YLPM1: variants seen among roughly 807,000 people sequenced by gnomAD.
YLPM1 encodes the protein YLP motif containing 1.
YLPM1 carries 99 observed loss-of-function variants against 230.0 expected under a neutral mutation model. That is an observed-to-expected ratio of 0.43 (90% CI 0.37 to 0.51). YLPM1 has a LOEUF of 0.51. Ranked by LOEUF, YLPM1 falls within the 20% of genes least tolerant of loss-of-function variation. The pLI is 0.00. For missense variants in YLPM1, 2,592 were observed against 2,707.7 expected (o/e 0.96, Z 0.95); for synonymous variants, 984 against 942.5 (o/e 1.04, Z -0.81).
intron 6 of YLPM1, 61 bp downstream of exon 6, chr14:74,802,737 T>C (rs1594829737): frequency 6.8e-7 from 1 of 1,463,238 alleles, no homozygotes; most frequent in Non-Finnish European, 9.1e-7. Context: ...TTCTATGTTG[T>C]TTGATTTTTT....
At chr14:74,777,600 C>A (rs1230148741) in intron 1 of YLPM1, among the ~76,000 whole-genome samples, 1 of 151,834 alleles carries the variant, frequency 6.6e-6, no homozygotes, top group Admixed American at 6.6e-5. Context: ...ACAGCATATT[C>A]TCTTATATGT....
Position 74,781,410 on chromosome 14 carries a change from A to G in YLPM1, c.1367A>G (p.Glu456Gly). The change falls in exon 4 of 21, where the codon GAG becomes GGG. Residue 456 changes from glutamate to glycine, a missense_variant. Physicochemically the swap from Glu to Gly is moderately conservative, Grantham distance 98 (BLOSUM62 -2). Transcript: ENST00000325680. ...QQFQHLYQEW[E>G]REFQLWEEQL... ...TTTCAACATCTTTACCAAGAATGGG[A>G]GCGAGAGTTTCAGCTATGGGAGGAA... The G allele has an allele frequency of 5.6e-6, 9 of 1,602,460 alleles. No individual in the cohort carries two copies. Among genetic ancestry groups the G allele is most frequent in the Non-Finnish European group, 7.7e-6 (9 of 1,173,888 alleles).
chr14:74,763,494 A>G lies in YLPM1; in HGVS notation c.5A>G (p.Tyr2Cys). 6.8e-7 allele frequency: 1 copy of G among 1,479,340 alleles called. No individual in the cohort carries two copies. Among genetic ancestry groups the G allele is most frequent in the Non-Finnish European group, 9.0e-7 (1 of 1,111,512 alleles). 91.6% of individuals were successfully genotyped at this position (1,479,340 alleles called of 1,614,324 possible). A position where few individuals can be genotyped will look rare whatever the true frequency, so the allele number is the denominator to read the frequency against. ...CCCTGCGCCTTCTTTTTCGATATGT[A>G]CCCGAATTGGGGCCGGTATGGCGGG... M[Y>C]PNWGRYGGSS... Residue 2 changes from tyrosine (Y) to cysteine (C), a missense_variant, in exon 1 of 21, where the codon TAC becomes TGC. Physicochemically the swap from Tyr to Cys is radical, Grantham distance 194. This residue lies in a region of YLPM1 where 1,862 missense variants were observed against 1,819.8 expected (regional missense o/e 1.02). Coordinates refer to ENST00000325680, the MANE Select transcript of YLPM1 (RefSeq NM_019589.3).
chr14:74,787,575 CA>C (rs1456170793), intron 4 of YLPM1, among the ~76,000 whole-genome samples: 103 of 130,058 alleles, frequency 7.9e-4, no homozygotes, highest in Admixed American at 8.6e-4. Context: ...GATTCCGTCT[CA>C]AAAAAAAAAA....
At chr14:74,810,487 G>T in intron 9 of YLPM1, 67 bp downstream of exon 9, 1 of 1,489,332 alleles carries the variant, frequency 6.7e-7, no homozygotes, top group Admixed American at 1.9e-5. Context: ...AAGTTTAAGA[G>T]AAATTTAATA....
intron 16 of YLPM1, 30 bp from the exon 17 acceptor site, chr14:74,821,027 C>CT (rs750279167): frequency 0.045 from 56,864 of 1,258,206 alleles, 6 homozygotes; most frequent in South Asian, 0.06. Flanking sequence ...TTAACTCAGT[C>CT]TTTTTTTTTT....
chr14:74,827,246 T>A (rs1195309149), intron 18 of YLPM1: 3 of 798,090 alleles, frequency 3.8e-6, no homozygotes, highest in Non-Finnish European at 4.5e-6. Flanking sequence ...TCTTAAAACT[T>A]CATCTTTTGA....
chr14:74,771,061 C>G, intron 1 of YLPM1, among the ~76,000 whole-genome samples: 1 of 152,048 alleles, frequency 6.6e-6, no homozygotes, highest in East Asian at 1.9e-4. Context: ...GGTTTCTGGG[C>G]TGGGCCGTAG....
intron 1 of YLPM1, among the ~76,000 whole-genome samples, chr14:74,765,858 G>A (rs1463066796): frequency 6.6e-6 from 1 of 152,174 alleles, no homozygotes; most frequent in South Asian, 2.1e-4. Flanking sequence ...TTCAGTGCCT[G>A]CAATTCTTTG....
Position 74,782,118 on chromosome 14 carries a change from C to G in YLPM1, c.2075C>G (p.Ala692Gly), listed in dbSNP as rs2091101522. Residue 692 changes from alanine to glycine, a missense_variant, in exon 4 of 21, where the codon GCT becomes GGT. Physicochemically the swap from Ala to Gly is moderately conservative, Grantham distance 60. Coordinates refer to ENST00000325680, the MANE Select transcript of YLPM1 (RefSeq NM_019589.3). ...ACTTACCATCCTCCGTTGCAATCAG[C>G]TGGTCCATCAGAACAAGTGAATTCA... Reference protein sequence around the residue: ...PTTYHPPLQSAGPSEQVNSKA... With the variant: ...PTTYHPPLQSGGPSEQVNSKA... 6.2e-7 allele frequency: 1 copy of G among 1,613,866 alleles called. No individual in the cohort carries two copies. The highest frequency in any genetic ancestry group is 1.1e-5 in the South Asian group (1 of 91,064).
At chr14:74,828,866 A>C (rs2091587210) in intron 18 of YLPM1, among the ~76,000 whole-genome samples, 2 of 152,234 alleles carry the variant, frequency 1.3e-5, no homozygotes, top group Non-Finnish European at 2.9e-5. Flanking sequence ...AATGGAAGAC[A>C]CTGTCTAGAA....
Position 74,798,166 on chromosome 14 carries a change from A to C in YLPM1, c.2869A>C (p.Thr957Pro), listed in dbSNP as rs2091283301. The change falls in exon 5 of 21, where the codon ACT (threonine) becomes CCT (proline). Residue 957 changes from threonine to proline, a missense_variant. This residue lies in a region of YLPM1 where 1,862 missense variants were observed against 1,819.8 expected (regional missense o/e 1.02). Coordinates refer to ENST00000325680, the MANE Select transcript of YLPM1 (RefSeq NM_019589.3). Reference sequence around the variant, plus strand: ...GAATAAGCCTGTACCTGCTCAATCTACTTTTCCTTCAAAAACAGGGGGGAT... The same window carrying C: ...GAATAAGCCTGTACCTGCTCAATCTCCTTTTCCTTCAAAAACAGGGGGGAT... ...LANKPVPAQS[T>P]FPSKTGGMEG... is the part of the protein sequence containing the mutation. 1 of 1,613,940 alleles carries C rather than the reference A, an allele frequency of 6.2e-7. No individual in the cohort carries two copies. Among genetic ancestry groups the C allele is most frequent in the East Asian group, 2.2e-5 (1 of 44,876 alleles).
In YLPM1 at chr14:74,797,742, G is replaced by A. The variant is rs1259590661; in HGVS notation, c.2445G>A (p.Gly815=). ...GCAAGTGGGGAATGATTCCCCGGGGGCCAGCATCTCAATTTTATATTACCC... is the reference window on the plus strand; with the variant it reads ...GCAAGTGGGGAATGATTCCCCGGGGACCAGCATCTCAATTTTATATTACCC... The part of the protein sequence containing the change: ...TKSKWGMIPR[G]PASQFYITPS... The change falls in exon 5 of 21, where the codon GGG becomes GGA. Residue 815 remains glycine (G), a synonymous_variant. Coordinates refer to ENST00000325680, the MANE Select transcript of YLPM1 (RefSeq NM_019589.3). The A allele has an allele frequency of 2.5e-6, 4 of 1,613,430 alleles. No individual in the cohort carries two copies. The highest frequency in any genetic ancestry group is 3.4e-6 in the Non-Finnish European group (4 of 1,179,676).
chr14:74,765,550 C>G (rs2090903692), intron 1 of YLPM1, among the ~76,000 whole-genome samples: 1 of 152,168 alleles, frequency 6.6e-6, no homozygotes. Context: ...TTATTTTCCC[C>G]AGATTGCTCT....
intron 4 of YLPM1, among the ~76,000 whole-genome samples, chr14:74,784,602 T>TAA (rs2091128812): frequency 6.6e-6 from 1 of 152,232 alleles, no homozygotes; most frequent in African/African-American, 2.4e-5. Flanking sequence ...ACATTGGCAT[T>TAA]GTGATTAGGA....
At position 74,836,468 on chromosome 14, in the gene YLPM1, T is replaced by C. The variant is rs2091644621; in HGVS notation, c.*730T>C. 6.6e-6 allele frequency: 1 copy of C among 152,220 alleles called. No homozygotes were observed. Among genetic ancestry groups the C allele is most frequent in the Non-Finnish European group, 1.5e-5 (1 of 68,036 alleles). 9.4% of individuals were successfully genotyped at this position (152,220 alleles called of 1,614,324 possible). A position where few individuals can be genotyped will look rare whatever the true frequency, so the allele number is the denominator to read the frequency against. On this transcript the variant is annotated 3_prime_UTR_variant, in exon 21 of 21. Coordinates refer to ENST00000325680, the MANE Select transcript of YLPM1 (RefSeq NM_019589.3). Reference sequence around the variant, plus strand: ...GGAGCATATCCATTCTGTAACATGATGCTTTATTTAAAAATTTTTTTTGAT... The same window carrying C: ...GGAGCATATCCATTCTGTAACATGACGCTTTATTTAAAAATTTTTTTTGAT...
chr14:74,829,471 A>G (rs768443121), intron 19 of YLPM1, 128 bp downstream of exon 19: 87 of 1,319,652 alleles, frequency 6.6e-5, no homozygotes, highest in Non-Finnish European at 8.8e-5. Context: ...TATGTCATGT[A>G]TCCCAAGAAG....
chr14:74,787,737 G>A (rs555326909), intron 4 of YLPM1, among the ~76,000 whole-genome samples: 58 of 152,068 alleles, frequency 3.8e-4, no homozygotes, highest in African/African-American at 1.3e-3. Flanking sequence ...TAAAGGGGCC[G>A]GGCATGGTGG....
chr14:74,794,451 G>A (rs142567768), intron 4 of YLPM1, among the ~76,000 whole-genome samples: 107 of 152,252 alleles, frequency 7.0e-4, no homozygotes, highest in African/African-American at 2.5e-3. Flanking sequence ...CAAAGTGCTG[G>A]GATTACAGGC....
Sources: gnomAD v4.1 joint callset for allele counts (sites outside exome capture counted in the v4.1 genomes callset) on GRCh38, gnomAD v4.1.1 for gene constraint, gnomAD v4.1.1 regional missense constraint, MANE v1.5 for transcripts, NCBI Gene and HGNC (gene_info 2026-07-23, HGNC 2026-07-21) for gene names.